PITPNM2: variants seen among roughly 807,000 people sequenced by gnomAD.
PITPNM2 encodes membrane-associated phosphatidylinositol transfer protein 2.
A neutral mutation model predicts 132.2 loss-of-function variants in PITPNM2; 35 were observed. The ratio of observed to expected loss-of-function variants is 0.26; its 90% CI spans 0.20 to 0.35. PITPNM2 has a LOEUF of 0.35. Ranked by LOEUF, PITPNM2 falls within the 10% of genes least tolerant of loss-of-function variation. PITPNM2 has a pLI of 1.00. For missense variants in PITPNM2, 1,332 were observed against 1,912.0 expected, an observed-to-expected ratio of 0.70 and a Z score of 5.66; for synonymous variants, 738 against 799.2, an observed-to-expected ratio of 0.92 and a Z score of 1.29.
chr12:123,010,187 GC>G, intron 5 of PITPNM2, 110 bp from the exon 6 acceptor site: 1 of 885,826 alleles, frequency 1.1e-6, no homozygotes, highest in Non-Finnish European at 1.8e-6. Context: ...GCCTTGCCCT[GC>G]CAGAGGGACC....
chr12:123,125,876 T>TG (rs1284379981), intron 1 of PITPNM2, among the ~76,000 whole-genome samples: 1 of 103,958 alleles, frequency 9.6e-6, no homozygotes, highest in Non-Finnish European at 2.1e-5. Context: ...TTTTTTTTTT[T>TG]TTTTTTTTTT....
At position 123,008,477 on chromosome 12, in the gene PITPNM2, T is replaced by C. The variant is rs995399237; in HGVS notation, c.643+1373A>G. Among the ~76,000 whole-genome samples, 4 of 152,158 alleles carry C rather than the reference T, an allele frequency of 2.6e-5. No individual in the cohort carries two copies. Among genetic ancestry groups the C allele is most frequent in the Non-Finnish European group, 5.9e-5 (4 of 68,010 alleles). On this transcript the variant is annotated intron_variant, in intron 6 of 25. Coordinates refer to ENST00000320201, the MANE Select transcript of PITPNM2 (RefSeq NM_020845.3). This position sits in a 1 kb window ranked among gnomAD's most constrained non-coding sequence, Gnocchi z 4.1. ...CCTCCCAGTCCTGCCCACATGCTCCTCCACTCCTCATATTGCCTGGGAAGT... is the reference window on the plus strand; with the variant it reads ...CCTCCCAGTCCTGCCCACATGCTCCCCCACTCCTCATATTGCCTGGGAAGT...
intron 2 of PITPNM2, chr12:123,090,116 G>C (rs2042217688): frequency 1.3e-5 from 2 of 152,202 alleles, no homozygotes; most frequent in African/African-American, 4.8e-5. Flanking sequence ...GAGTGTTTCA[G>C]GGTCTTCCAT....
intron 2 of PITPNM2, among the ~76,000 whole-genome samples, chr12:123,104,220 C>T (rs2137262453): frequency 6.6e-6 from 1 of 152,354 alleles, no homozygotes; most frequent in South Asian, 2.1e-4. Flanking sequence ...CGTGGGCCAC[C>T]ATGCCTGGCC....
intron 3 of PITPNM2, among the ~76,000 whole-genome samples, chr12:123,017,859 G>C (rs1397104355): frequency 6.6e-6 from 1 of 152,198 alleles, no homozygotes; most frequent in Non-Finnish European, 1.5e-5. Flanking sequence ...CCTGCTGCTG[G>C]GGAACATGGG....
chr12:123,133,791 A>AACAC (rs536799715), intron 1 of PITPNM2, among the ~76,000 whole-genome samples: 1,097 of 89,866 alleles, frequency 0.012, 10 homozygotes, highest in African/African-American at 0.022. Context: ...ATTATTAATG[A>AACAC]ACACACACAC....
At chr12:123,123,203 A>C (rs1313244559) in intron 1 of PITPNM2, among the ~76,000 whole-genome samples, 1 of 152,228 alleles carries the variant, frequency 6.6e-6, no homozygotes, top group African/African-American at 2.4e-5. Context: ...CCACCATTAC[A>C]AGAACTGAAC....
intron 2 of PITPNM2, chr12:123,084,791 T>C (rs1250826856): frequency 6.6e-6 from 1 of 152,142 alleles, no homozygotes; most frequent in Non-Finnish European, 1.5e-5. Context: ...AAGAAGAAAA[T>C]GTTTTCTTAA....
chr12:123,045,725 T>C (rs2040630512), intron 2 of PITPNM2, among the ~76,000 whole-genome samples: 1 of 152,238 alleles, frequency 6.6e-6, no homozygotes, highest in East Asian at 1.9e-4. Context: ...CAGCTGGTAT[T>C]GTGCAGCCTG....
chr12:123,098,608 G>A (rs1170450442), intron 2 of PITPNM2, among the ~76,000 whole-genome samples: 6 of 152,162 alleles, frequency 3.9e-5, no homozygotes, highest in Non-Finnish European at 7.3e-5. Flanking sequence ...CTACTCCAGA[G>A]GCATAGGCAG....
chr12:123,045,722 T>C (rs2136586137), intron 2 of PITPNM2, among the ~76,000 whole-genome samples: 1 of 152,310 alleles, frequency 6.6e-6, no homozygotes, highest in African/African-American at 2.4e-5. Flanking sequence ...CAACAGCTGG[T>C]ATTGTGCAGC....
chr12:123,101,734 CT>C (rs1280353279), intron 2 of PITPNM2, among the ~76,000 whole-genome samples: 7 of 152,152 alleles, frequency 4.6e-5, no homozygotes, highest in Non-Finnish European at 1.0e-4. Context: ...ATCAAGTTCC[CT>C]TTTCTTGGGG....
Position 123,009,925 on chromosome 12 carries a change from C to T in PITPNM2, c.568G>A (p.Ala190Thr). Residue 190 changes from alanine to threonine, a missense_variant, in exon 6 of 26, where the codon GCA becomes ACA. This residue lies in a region of PITPNM2 where 122 missense variants were observed against 209.6 expected (regional missense o/e 0.58). Coordinates refer to ENST00000320201, the MANE Select transcript of PITPNM2 (RefSeq NM_020845.3). The surrounding 1 kb of genome is among the most constrained non-coding windows in gnomAD (Gnocchi z 4.8). ...YKKQVFPIMCAYKLCKVEFRY... is the reference protein window; with the variant it reads ...YKKQVFPIMCTYKLCKVEFRY... ...AACTCCACCTTGCAGAGCTTGTATG[C>T]GCACATGATGGGGAAGACCTGCTTC... The T allele has an allele frequency of 1.9e-6, 3 of 1,614,198 alleles. 1 individual carries two copies. Among genetic ancestry groups the T allele is most frequent in the Non-Finnish European group, 2.5e-6 (3 of 1,180,038 alleles).
Position 123,001,038 on chromosome 12 carries a change from C to A in PITPNM2, c.1153+16G>T. 1 of 1,610,198 alleles carries A rather than the reference C, an allele frequency of 6.2e-7. No individual in the cohort carries two copies. The highest frequency in any genetic ancestry group is 8.5e-7 in the Non-Finnish European group (1 of 1,176,352). On this transcript the variant is annotated intron_variant, in intron 9 of 25. Coordinates refer to ENST00000320201, the MANE Select transcript of PITPNM2 (RefSeq NM_020845.3). ...CCGCCCTCCCCAGGCTCTGCAGCAC[C>A]CCCAGACCTGCTGACCTTGTGTGTC...
intron 2 of PITPNM2, among the ~76,000 whole-genome samples, chr12:123,062,265 C>A (rs1196549379): frequency 2.0e-5 from 3 of 152,194 alleles, no homozygotes; most frequent in African/African-American, 2.4e-5. Flanking sequence ...CTGATACTTG[C>A]AACTGAGCCT....
In PITPNM2 at chr12:123,005,142, G is replaced by A. The variant is rs2136194753; in HGVS notation, c.952+98C>T. 2 of 1,412,048 alleles carry A rather than the reference G, an allele frequency of 1.4e-6. No homozygotes were observed. The highest frequency in any genetic ancestry group is 9.7e-7 in the Non-Finnish European group (1 of 1,034,704). 87.5% of individuals were successfully genotyped at this position (1,412,048 alleles called of 1,614,324 possible). On this transcript the variant is annotated intron_variant, in intron 7 of 25. Transcript: ENST00000320201. This position sits in a 1 kb window ranked among gnomAD's most constrained non-coding sequence, Gnocchi z 6.2. ...TGGGCTTGGTGCCTCAATGTCCATG[G>A]GAAAGAACTCTGAGGAGGTGCAGTG...
intron 1 of PITPNM2, among the ~76,000 whole-genome samples, chr12:123,135,010 T>C (rs760878691): frequency 2.4e-4 from 36 of 152,194 alleles, no homozygotes; most frequent in Non-Finnish European, 3.4e-4. Context: ...TCATGTTTTG[T>C]TGGTGGGCTA....
Position 122,983,704 on chromosome 12 carries a change from T to TG in PITPNM2, c.*2322dup, listed in dbSNP as rs898395057. 14 of 130,330 alleles carry TG rather than the reference T, an allele frequency of 1.1e-4. No homozygotes were observed. The highest frequency in any genetic ancestry group is 5.5e-4 in the Admixed American group (7 of 12,798). The allele number at this position is 130,330 out of a possible 1,614,324, so 8.1% of individuals were successfully genotyped here. On this transcript the variant is annotated 3_prime_UTR_variant, in exon 26 of 26. Transcript: ENST00000320201. ...GGACTCAGACCGAGCCAGGGAGGGG[T>TG]GGGGGGTCTCTGCTGAATCCCTCTT...
chr12:123,116,304 C>G (rs1018271823), intron 1 of PITPNM2, among the ~76,000 whole-genome samples: 9 of 152,118 alleles, frequency 5.9e-5, no homozygotes, highest in Non-Finnish European at 8.8e-5. Context: ...AACAGATGAA[C>G]AGATAAACAA....
Sources: gnomAD v4.1 joint callset for allele counts (sites outside exome capture counted in the v4.1 genomes callset) on GRCh38, gnomAD v4.1.1 for gene constraint, gnomAD v4.1.1 regional missense constraint, Gnocchi (gnomAD v3.1) non-coding constraint, MANE v1.5 for transcripts, NCBI Gene and HGNC (gene_info 2026-07-23, HGNC 2026-07-21) for gene names.